SPTBN1: variants seen among roughly 807,000 people sequenced by gnomAD.
SPTBN1 encodes the protein spectrin beta chain, non-erythrocytic 1.
SPTBN1 carries 32 observed loss-of-function variants against 266.4 expected under a neutral mutation model. The ratio of observed to expected loss-of-function variants is 0.12; its 90% CI spans 0.09 to 0.16. The LOEUF is 0.16. SPTBN1 is among the 10% of genes least tolerant of loss of function. The pLI is 1.00. For missense variants in SPTBN1, 2,296 were observed against 3,067.1 expected (o/e 0.75, Z 5.94); for synonymous variants, 1,336 against 1,162.2 (o/e 1.15, Z -3.04).
intron 1 of SPTBN1, among the ~76,000 whole-genome samples, chr2:54,458,874 T>C (rs1028206886): frequency 2.0e-5 from 3 of 152,256 alleles, no homozygotes; most frequent in African/African-American, 7.2e-5. Flanking sequence ...TAAATATTTC[T>C]AATGAATCCA....
chr2:54,480,877 G>T (rs563049340), intron 1 of SPTBN1, among the ~76,000 whole-genome samples: 16 of 152,284 alleles, frequency 1.1e-4, no homozygotes, highest in African/African-American at 2.9e-4. Flanking sequence ...ACTTATTGAA[G>T]CCCTGGCCAG....
rs151048023 is a variant in SPTBN1 at position 54,604,734 on chromosome 2, G to A, written c.300+5491G>A. ...TGGGATGGAGATATGGCTGGTAAAG[G>A]TTTAGGACTAGACGGGACCTTGGGA... On this transcript the variant is annotated intron_variant, in intron 3 of 35. Coordinates refer to ENST00000356805, the MANE Select transcript of SPTBN1 (RefSeq NM_003128.3). Among the ~76,000 whole-genome samples, 199 of 152,304 alleles carry A rather than the reference G, an allele frequency of 1.3e-3. 3 individuals are homozygous for A. The South Asian group carries it at 0.036, about 27-fold the overall frequency.
At chr2:54,518,333 T>A (rs1670233464) in intron 1 of SPTBN1, among the ~76,000 whole-genome samples, 1 of 151,756 alleles carries the variant, frequency 6.6e-6, no homozygotes, top group Admixed American at 6.6e-5. Context: ...AGGGATAGCA[T>A]TAGGAGAAAT....
At chr2:54,560,116 C>T (rs1673184302) in intron 2 of SPTBN1, among the ~76,000 whole-genome samples, 1 of 146,162 alleles carries the variant, frequency 6.8e-6, no homozygotes. Flanking sequence ...TTGAGCTCTT[C>T]GGCAGTCAAA....
At chr2:54,552,734 C>T (rs1672651139) in intron 2 of SPTBN1, among the ~76,000 whole-genome samples, 1 of 152,040 alleles carries the variant, frequency 6.6e-6, no homozygotes. Context: ...GGATTACAGG[C>T]GTGAGCCACC....
At chr2:54,647,090 G>A in intron 23 of SPTBN1, 41 bp from the exon 24 acceptor site, 2 of 1,613,922 alleles carry the variant, frequency 1.2e-6, no homozygotes, top group Non-Finnish European at 1.7e-6. Context: ...GGTAGGGCCA[G>A]AGGGGACCGC....
chr2:54,486,505 A>G (rs750146679), intron 1 of SPTBN1, among the ~76,000 whole-genome samples: 7 of 152,238 alleles, frequency 4.6e-5, no homozygotes, highest in Non-Finnish European at 8.8e-5. Flanking sequence ...GCTTTGTTAA[A>G]CAGATGCTTG....
intron 2 of SPTBN1, among the ~76,000 whole-genome samples, chr2:54,566,141 G>T (rs1377740343): frequency 6.6e-6 from 1 of 151,682 alleles, no homozygotes; most frequent in African/African-American, 2.4e-5. Flanking sequence ...ACAAATGAAA[G>T]GGGGAAATAA....
At chr2:54,487,820 C>G (rs1668482513) in intron 1 of SPTBN1, among the ~76,000 whole-genome samples, 1 of 67,420 alleles carries the variant, frequency 1.5e-5, no homozygotes, top group East Asian at 4.6e-4. Flanking sequence ...ACTTGATGGT[C>G]TCCTCCTGTG....
At chr2:54,525,889 G>A (rs1478952126) in intron 1 of SPTBN1, among the ~76,000 whole-genome samples, 3 of 152,162 alleles carry the variant, frequency 2.0e-5, no homozygotes, top group African/African-American at 4.8e-5. Flanking sequence ...GTGCCACCAC[G>A]CCCAGCTAAT....
chr2:54,529,944 A>G, intron 2 of SPTBN1: 1 of 367,720 alleles, frequency 2.7e-6, no homozygotes, highest in East Asian at 6.7e-5. Flanking sequence ...GGAAAGGGAG[A>G]TATCTTCCTG....
chr2:54,481,263 C>T (rs918530533), intron 1 of SPTBN1, among the ~76,000 whole-genome samples: 1 of 151,878 alleles, frequency 6.6e-6, no homozygotes, highest in Non-Finnish European at 1.5e-5. Context: ...TGATTTTCAG[C>T]AGTGCTGCCC....
chr2:54,622,474 G>A lies in SPTBN1; in HGVS notation c.1051G>A (p.Glu351Lys). The change falls in exon 9 of 36, where the codon GAG becomes AAG. Residue 351 changes from glutamate to lysine, a missense_variant. Physicochemically the swap from Glu to Lys is moderately conservative, Grantham distance 56 (BLOSUM62 1). Around this residue, in one of 12 missense-constraint regions of SPTBN1, gnomAD observed 148 missense variants for 203.8 expected, o/e 0.73. Coordinates refer to ENST00000356805, the MANE Select transcript of SPTBN1 (RefSeq NM_003128.3). Reference sequence around the variant, plus strand: ...GGCATTCAACACTTACCGCACTGTGGAGAAACCACCCAAGTAAGATGCATA... The same window carrying A: ...GGCATTCAACACTTACCGCACTGTGAAGAAACCACCCAAGTAAGATGCATA... ...LQAFNTYRTVEKPPKFTEKGN... is the reference protein window; with the variant it reads ...LQAFNTYRTVKKPPKFTEKGN... 6.2e-7 allele frequency: 1 copy of A among 1,614,004 alleles called. No individual in the cohort carries two copies. The highest frequency in any genetic ancestry group is 8.5e-7 in the Non-Finnish European group (1 of 1,179,930).
chr2:54,537,892 C>A (rs1171321878), intron 2 of SPTBN1, among the ~76,000 whole-genome samples: 2 of 152,150 alleles, frequency 1.3e-5, no homozygotes, highest in Non-Finnish European at 2.9e-5. Context: ...CCAGGCTTTA[C>A]TCAAATGTCT....
chr2:54,532,584 G>C (rs1251048287), intron 2 of SPTBN1, among the ~76,000 whole-genome samples: 1 of 152,196 alleles, frequency 6.6e-6, no homozygotes, highest in Non-Finnish European at 1.5e-5. Context: ...GAAGGAAGCT[G>C]AGGAGAGCGT....
chr2:54,523,990 G>A (rs1670645052), intron 1 of SPTBN1, among the ~76,000 whole-genome samples: 1 of 152,110 alleles, frequency 6.6e-6, no homozygotes, highest in South Asian at 2.1e-4. Flanking sequence ...ACAAGGTCTA[G>A]GAGTTCGAGA....
intron 18 of SPTBN1, among the ~76,000 whole-genome samples, chr2:54,639,247 G>A (rs890818499): frequency 4.6e-5 from 7 of 152,200 alleles, no homozygotes; most frequent in African/African-American, 4.8e-5. Flanking sequence ...AGTGTGCTGC[G>A]GTAATACCAG....
At chr2:54,491,810 A>AGGCTGGTC (rs573337110) in intron 1 of SPTBN1, among the ~76,000 whole-genome samples, 8 of 152,200 alleles carry the variant, frequency 5.3e-5, no homozygotes, top group Non-Finnish European at 1.2e-4. Context: ...CGTGTTGCCC[A>AGGCTGGTC]GGCTGGTCTT....
chr2:54,483,596 C>G (rs544209802), intron 1 of SPTBN1, among the ~76,000 whole-genome samples: 1 of 152,272 alleles, frequency 6.6e-6, no homozygotes, highest in South Asian at 2.1e-4. Context: ...ACATTAGCAC[C>G]TCCCCAGGAG....
Sources: gnomAD v4.1 joint callset for allele counts (sites outside exome capture counted in the v4.1 genomes callset) on GRCh38, gnomAD v4.1.1 for gene constraint, gnomAD v4.1.1 regional missense constraint, MANE v1.5 for transcripts, NCBI Gene and HGNC (gene_info 2026-07-23, HGNC 2026-07-21) for gene names.